The following DOK5 variants were observed in gnomAD, a reference collection of about 807,000 sequenced individuals.
DOK5 encodes docking protein 5, also known as downstream of tyrosine kinase 5.
Under a neutral mutation model 43.3 loss-of-function variants are expected in DOK5, and 27 were observed. That is an observed-to-expected ratio of 0.62 (90% CI 0.46 to 0.86). The LOEUF (loss-of-function observed/expected upper bound fraction) is 0.86. Among genes scored for constraint, DOK5 ranks in the 40% least tolerant of loss-of-function variants. DOK5 has a pLI of 0.00. For missense variants in DOK5, 373 were observed against 392.9 expected, an observed-to-expected ratio of 0.95 and a Z score of 0.43; for synonymous variants, 146 against 140.1, an observed-to-expected ratio of 1.04 and a Z score of -0.30.
intron 5 of DOK5, among the ~76,000 whole-genome samples, chr20:54,602,061 C>T (rs1032477977): frequency 1.1e-4 from 17 of 152,084 alleles, no homozygotes; most frequent in East Asian, 9.6e-4. Flanking sequence ...TGCAGCTGCC[C>T]GCATTTCCTT....
intron 2 of DOK5, among the ~76,000 whole-genome samples, chr20:54,579,834 A>C (rs6098098): frequency 0.015 from 2,271 of 151,868 alleles, 53 homozygotes; most frequent in African/African-American, 0.051. Context: ...CAGAATGTGC[A>C]GTTTTGTTAC....
intron 5 of DOK5, among the ~76,000 whole-genome samples, chr20:54,609,766 C>T (rs995854443): frequency 6.6e-6 from 1 of 152,070 alleles, no homozygotes; most frequent in Admixed American, 6.6e-5. Flanking sequence ...ATTATCAAAA[C>T]CATACAACTT....
intron 5 of DOK5, among the ~76,000 whole-genome samples, chr20:54,595,256 C>A (rs1378113792): frequency 6.6e-6 from 1 of 152,024 alleles, no homozygotes; most frequent in South Asian, 2.1e-4. Flanking sequence ...CAGGAGAATG[C>A]GTGAACCCGG....
intron 1 of DOK5, among the ~76,000 whole-genome samples, chr20:54,499,268 A>C (rs895543740): frequency 6.6e-6 from 1 of 152,190 alleles, no homozygotes; most frequent in Admixed American, 6.5e-5. Context: ...CTTTTCACTA[A>C]TCCTTTAAGG....
intron 5 of DOK5, among the ~76,000 whole-genome samples, chr20:54,597,892 C>T (rs1986190398): frequency 6.6e-6 from 1 of 152,066 alleles, no homozygotes; most frequent in Non-Finnish European, 1.5e-5. Flanking sequence ...ATCTTGTGAG[C>T]ATATTATCCT....
At chr20:54,535,253 T>TC (rs1303287302) in intron 1 of DOK5, among the ~76,000 whole-genome samples, 1 of 152,110 alleles carries the variant, frequency 6.6e-6, no homozygotes, top group African/African-American at 2.4e-5. Flanking sequence ...CAATTATTCT[T>TC]CCCCTTCTGC....
chr20:54,509,368 T>G (rs1982935354), intron 1 of DOK5, among the ~76,000 whole-genome samples: 1 of 151,738 alleles, frequency 6.6e-6, no homozygotes, highest in South Asian at 2.1e-4. Flanking sequence ...TTTTACAATT[T>G]TTTTGTAGAG....
chr20:54,496,447 C>T lies in DOK5; in HGVS notation c.66+20435C>T, dbSNP rs139965172. On this transcript the variant is annotated intron_variant, in intron 1 of 7. Transcript: ENST00000262593. ...AAGGGAGAGCATATTGGATGAATAA[C>T]ATCAGTTCAAGTTTTGAAATCCTTG... Among the ~76,000 whole-genome samples the T allele has an allele frequency of 4.9e-4, 74 of 152,184 alleles. No individual in the cohort carries two copies. In the East Asian group the frequency reaches 0.014, roughly 29 times the overall value.
At chr20:54,645,303 C>T (rs559324058) in intron 7 of DOK5, among the ~76,000 whole-genome samples, 1,359 of 130,340 alleles carry the variant, frequency 0.01, 4 homozygotes, top group Middle Eastern at 0.029. Context: ...TCCTCCATGC[C>T]CGCTCTGAAC....
intron 7 of DOK5, 128 bp from the exon 8 acceptor site, chr20:54,650,287 G>A: frequency 2.7e-6 from 2 of 744,034 alleles, no homozygotes; most frequent in Non-Finnish European, 4.4e-6. Context: ...CATCCTGAGA[G>A]GCCTTTGGAA....
intron 6 of DOK5, among the ~76,000 whole-genome samples, chr20:54,630,475 G>C (rs1481397253): frequency 1.3e-5 from 2 of 152,116 alleles, no homozygotes; most frequent in African/African-American, 4.8e-5. Flanking sequence ...CCGGTCATCC[G>C]GGTGGGAGTG....
intron 6 of DOK5, among the ~76,000 whole-genome samples, chr20:54,622,522 C>T (rs1987014384): frequency 6.6e-6 from 1 of 152,210 alleles, no homozygotes; most frequent in Non-Finnish European, 1.5e-5. Flanking sequence ...GAGCTCCTGT[C>T]ACGGTGCCAG....
intron 6 of DOK5, among the ~76,000 whole-genome samples, chr20:54,629,222 C>T (rs929369042): frequency 2.6e-5 from 4 of 152,088 alleles, no homozygotes; most frequent in African/African-American, 4.8e-5. Flanking sequence ...TATAAGATTG[C>T]GCTTAGAGGA....
At chr20:54,508,345 C>A (rs757727250) in intron 1 of DOK5, among the ~76,000 whole-genome samples, 8 of 150,832 alleles carry the variant, frequency 5.3e-5, no homozygotes, top group Non-Finnish European at 1.2e-4. Flanking sequence ...TTATTTTTTT[C>A]TTTTATCCCA....
At chr20:54,630,273 G>A (rs1467302342) in intron 6 of DOK5, among the ~76,000 whole-genome samples, 1 of 152,138 alleles carries the variant, frequency 6.6e-6, no homozygotes, top group African/African-American at 2.4e-5. Flanking sequence ...TGGACCAATA[G>A]GATTTGCTGA....
At chr20:54,498,206 C>T (rs1982471957) in intron 1 of DOK5, among the ~76,000 whole-genome samples, 1 of 152,116 alleles carries the variant, frequency 6.6e-6, no homozygotes, top group South Asian at 2.1e-4. Context: ...ACTTTCTGCA[C>T]CTTAGCATAA....
intron 1 of DOK5, among the ~76,000 whole-genome samples, chr20:54,546,582 T>C (rs1984356626): frequency 6.9e-6 from 1 of 145,332 alleles, no homozygotes; most frequent in African/African-American, 2.5e-5. Context: ...CAGTGTGTGA[T>C]GTTCCCCACC....
At chr20:54,611,567 T>TA (rs200767197) in intron 6 of DOK5, among the ~76,000 whole-genome samples, 9 of 150,216 alleles carry the variant, frequency 6.0e-5, no homozygotes, top group South Asian at 2.1e-4. Flanking sequence ...CCTAAAAATT[T>TA]AAAAAAAATA....
chr20:54,508,542 A>G (rs191536305), intron 1 of DOK5, among the ~76,000 whole-genome samples: 58 of 151,366 alleles, frequency 3.8e-4, no homozygotes, highest in Admixed American at 3.8e-3. Flanking sequence ...CCTCATGAGG[A>G]GCTTGCAGGC....
Sources: allele counts gnomAD v4.1 joint callset (sites outside exome capture counted in the v4.1 genomes callset), GRCh38; gene constraint gnomAD v4.1.1; transcripts MANE v1.5; gene names NCBI Gene and HGNC (gene_info 2026-07-23, HGNC 2026-07-21).